Variants in MRPS23 observed in about 807,000 individuals in gnomAD.
MRPS23 encodes mitochondrial ribosomal protein S23.
Under a neutral mutation model 19.8 loss-of-function variants are expected in MRPS23, and 14 were observed. That is an observed-to-expected ratio of 0.71 (90% CI 0.47 to 1.11). MRPS23 has a LOEUF of 1.11. MRPS23 is among the 50% of genes least tolerant of loss of function. The pLI, the probability that MRPS23 is intolerant of heterozygous loss-of-function variation, is 0.00. For missense variants in MRPS23, 242 were observed against 236.7 expected (o/e 1.02, Z -0.15); for synonymous variants, 113 against 89.7 (o/e 1.26, Z -1.47).
intron 2 of MRPS23, among the ~76,000 whole-genome samples, chr17:57,844,150 G>A (rs1314232708): frequency 2.0e-5 from 3 of 147,314 alleles, no homozygotes; most frequent in African/African-American, 7.5e-5. Flanking sequence ...TTAAGAGATG[G>A]GGTCTTGCCA....
chr17:57,841,367 GTATAACCCACA>G (rs1334652035), intron 2 of MRPS23, 107 bp from the exon 3 acceptor site: 14 of 1,166,552 alleles, frequency 1.2e-5, no homozygotes, highest in Non-Finnish European at 1.4e-5. Flanking sequence ...GTTAAGTACG[GTATAACCCACA>G]TAGCCTAAGC....
rs150077274 is a variant in MRPS23 at position 57,842,985 on chromosome 17, T to C, written c.216-1725A>G. 1.9e-3 allele frequency among the ~76,000 whole-genome samples: 291 copies of C among 149,352 alleles called. 2 individuals are homozygous for C. The highest frequency in any genetic ancestry group is 0.011 in the Middle Eastern group (3 of 272). On this transcript the variant is annotated intron_variant, in intron 2 of 4. Coordinates refer to ENST00000313608, the MANE Select transcript of MRPS23 (RefSeq NM_016070.4). ...TGTAATCCCAGCAAAAATATATATA[T>C]ATATTTAGACCAGGCGTGCTGGCTG... is the stretch of plus-strand genomic sequence containing the variant.
At chr17:57,841,431 A>G (rs1315164929) in intron 2 of MRPS23, among the ~76,000 whole-genome samples, 171 bp from the exon 3 acceptor site, 2 of 152,254 alleles carry the variant, frequency 1.3e-5, no homozygotes, top group Non-Finnish European at 2.9e-5. Flanking sequence ...ACACATGCAC[A>G]TGGTAAATAC....
At chr17:57,849,790 C>T in intron 1 of MRPS23, 177 bp downstream of exon 1, 1 of 739,924 alleles carries the variant, frequency 1.4e-6, no homozygotes, top group Non-Finnish European at 2.1e-6. Context: ...GGAGAGGCAT[C>T]CTCAGGCACA....
At chr17:57,849,886 C>T (rs1021029151) in intron 1 of MRPS23, 81 bp downstream of exon 1, 73 of 1,502,340 alleles carry the variant, frequency 4.9e-5, no homozygotes, top group Middle Eastern at 1.7e-4. Flanking sequence ...TGCTCAGGTC[C>T]GCTCCAAGGA....
Sources: gnomAD v4.1 joint callset for allele counts (sites outside exome capture counted in the v4.1 genomes callset) on GRCh38, gnomAD v4.1.1 for gene constraint, MANE v1.5 for transcripts, NCBI Gene and HGNC (gene_info 2026-07-23, HGNC 2026-07-21) for gene names.